Variants in WDR49 observed in about 807,000 individuals in gnomAD.
The protein encoded by WDR49 is WD repeat domain 49.
WDR49 carries 107 observed loss-of-function variants against 119.5 expected under a neutral mutation model. That is an observed-to-expected ratio of 0.90 (90% CI 0.77 to 1.05). WDR49 has a LOEUF of 1.05. WDR49 is among the 50% of genes least tolerant of loss of function. WDR49 has a pLI of 0.00. For synonymous variants in WDR49, 425 were observed against 418.8 expected (o/e 1.01, Z -0.18); for missense variants, 1,240 against 1,220.5 (o/e 1.02, Z -0.24).
At chr3:167,620,102 C>T (rs1358534789) in intron 5 of WDR49, among the ~76,000 whole-genome samples, 5 of 151,984 alleles carry the variant, frequency 3.3e-5, no homozygotes, top group African/African-American at 1.2e-4. Context: ...TTAAACAGCC[C>T]TGAATGTAAC....
chr3:167,586,779 T>C (rs1047973475), intron 7 of WDR49, among the ~76,000 whole-genome samples: 5 of 152,182 alleles, frequency 3.3e-5, no homozygotes, highest in Non-Finnish European at 5.9e-5. Flanking sequence ...AGCTTCATTA[T>C]AATGTAATGC....
chr3:167,512,721 T>C (rs535256234), intron 16 of WDR49, among the ~76,000 whole-genome samples: 1 of 152,248 alleles, frequency 6.6e-6, no homozygotes, highest in African/African-American at 2.4e-5. Context: ...GATAAAACAT[T>C]ACAGGAGCTG....
At chr3:167,551,088 G>A (rs1215744830) in intron 10 of WDR49, among the ~76,000 whole-genome samples, 1 of 151,956 alleles carries the variant, frequency 6.6e-6, no homozygotes, top group Non-Finnish European at 1.5e-5. Flanking sequence ...TCTTTTTACT[G>A]ACAGAAAAAT....
At chr3:167,618,942 T>C (rs1716728723) in intron 5 of WDR49, among the ~76,000 whole-genome samples, 1 of 152,124 alleles carries the variant, frequency 6.6e-6, no homozygotes, top group South Asian at 2.1e-4. Flanking sequence ...TTAAATAAAA[T>C]TGAGGCAGAG....
At chr3:167,578,820 A>C (rs1408357577) in intron 7 of WDR49, among the ~76,000 whole-genome samples, 1 of 152,150 alleles carries the variant, frequency 6.6e-6, no homozygotes, top group Non-Finnish European at 1.5e-5. Context: ...TTGATGTCTT[A>C]ATTGAGCAAA....
At chr3:167,595,705 T>A (rs1354600080) in intron 7 of WDR49, among the ~76,000 whole-genome samples, 2 of 152,120 alleles carry the variant, frequency 1.3e-5, no homozygotes, top group East Asian at 1.9e-4. Context: ...TTACACCTTA[T>A]ACAAAAATCA....
intron 7 of WDR49, among the ~76,000 whole-genome samples, chr3:167,585,029 GT>G (rs1055554559): frequency 1.3e-5 from 2 of 151,226 alleles, no homozygotes; most frequent in African/African-American, 4.9e-5. Flanking sequence ...TTTAAATTTT[GT>G]TTTTTTCATT....
chr3:167,538,384 T>C (rs900649432), intron 10 of WDR49, among the ~76,000 whole-genome samples: 2 of 152,132 alleles, frequency 1.3e-5, no homozygotes, highest in Admixed American at 1.3e-4. Flanking sequence ...CCCAGTCAAA[T>C]CAAATACTTA....
chr3:167,536,550 C>T (rs569601876), intron 11 of WDR49, among the ~76,000 whole-genome samples: 31 of 151,288 alleles, frequency 2.0e-4, no homozygotes, highest in Non-Finnish European at 2.1e-4. Flanking sequence ...CATGGTGGGG[C>T]GTGCCTGTGG....
intron 18 of WDR49, among the ~76,000 whole-genome samples, chr3:167,491,804 A>T (rs1417103911): frequency 6.6e-6 from 1 of 152,170 alleles, no homozygotes; most frequent in Admixed American, 6.6e-5. Context: ...GCTGTTTAAG[A>T]ACCAACTGGG....
intron 2 of WDR49, among the ~76,000 whole-genome samples, chr3:167,640,425 G>A (rs1717825627): frequency 6.6e-6 from 1 of 151,822 alleles, no homozygotes; most frequent in Non-Finnish European, 1.5e-5. Flanking sequence ...AAACAATCAT[G>A]TTCTCACATT....
At chr3:167,507,338 G>A (rs1751811053) in intron 16 of WDR49, among the ~76,000 whole-genome samples, 1 of 152,090 alleles carries the variant, frequency 6.6e-6, no homozygotes, top group South Asian at 2.1e-4. Flanking sequence ...ATGTGAGTAA[G>A]AATTAGTATT....
chr3:167,587,038 A>T (rs1027442950), intron 7 of WDR49, among the ~76,000 whole-genome samples: 2 of 152,208 alleles, frequency 1.3e-5, no homozygotes, highest in African/African-American at 4.8e-5. Flanking sequence ...ATAATTCCAG[A>T]AAGACATTGC....
At chr3:167,500,718 G>C (rs1751529428) in intron 17 of WDR49, among the ~76,000 whole-genome samples, 1 of 152,054 alleles carries the variant, frequency 6.6e-6, no homozygotes, top group African/African-American at 2.4e-5. Flanking sequence ...TTTAAATAAT[G>C]TCATCAAGTA....
chr3:167,554,128 A>C (rs1441648457), intron 10 of WDR49, among the ~76,000 whole-genome samples: 1 of 151,160 alleles, frequency 6.6e-6, no homozygotes, highest in Non-Finnish European at 1.5e-5. Flanking sequence ...TTCTGTCAGG[A>C]AAAAAAAAGG....
At chr3:167,485,392 TG>T (rs1328161579) in intron 18 of WDR49, among the ~76,000 whole-genome samples, 3 of 151,006 alleles carry the variant, frequency 2.0e-5, no homozygotes, top group East Asian at 1.9e-4. Flanking sequence ...AAATAAAAGT[TG>T]AAAAAAAAGA....
chr3:167,639,271 A>G (rs1215861659), intron 2 of WDR49, among the ~76,000 whole-genome samples: 1 of 151,754 alleles, frequency 6.6e-6, no homozygotes, highest in Non-Finnish European at 1.5e-5. Flanking sequence ...TTATGCATCC[A>G]TAGGATCATA....
At chr3:167,596,868 A>G (rs1370841272) in intron 7 of WDR49, among the ~76,000 whole-genome samples, 1 of 149,330 alleles carries the variant, frequency 6.7e-6, no homozygotes, top group Non-Finnish European at 1.5e-5. Flanking sequence ...CTTAAAGTAT[A>G]ATAATAAATA....
chr3:167,501,776 G>A (rs147670366), intron 17 of WDR49, among the ~76,000 whole-genome samples: 13 of 152,188 alleles, frequency 8.5e-5, no homozygotes, highest in Admixed American at 2.0e-4. Context: ...TTTCTGGTCC[G>A]TCAACAACTA....
Sources: allele counts gnomAD v4.1 joint callset (sites outside exome capture counted in the v4.1 genomes callset), GRCh38; gene constraint gnomAD v4.1.1; transcripts MANE v1.5; gene names NCBI Gene and HGNC (gene_info 2026-07-23, HGNC 2026-07-21).